Variants in LRP12 observed in about 807,000 individuals in gnomAD.
The protein encoded by LRP12 is LDL receptor related protein 12, also known as low-density lipoprotein receptor-related protein 12.
In LRP12, 14 loss-of-function variants were observed where a neutral mutation model predicts 66.0. The observed-to-expected ratio is 0.21, with a 90% CI of 0.14 to 0.33. The LOEUF (loss-of-function observed/expected upper bound fraction) is 0.33. Among genes scored for constraint, LRP12 ranks in the 10% least tolerant of loss-of-function variants. LRP12 has a pLI of 1.00. For synonymous variants in LRP12, 357 were observed against 359.1 expected (o/e 0.99, Z 0.07); for missense variants, 889 against 1,053.4 (o/e 0.84, Z 2.16).
chr8:104,506,778 G>C (rs1810916564), intron 3 of LRP12: 1 of 152,082 alleles, frequency 6.6e-6, no homozygotes, highest in Non-Finnish European at 1.5e-5. Context: ...TGGGTTCCAA[G>C]GGAGAGGAAT....
At chr8:104,541,525 C>A (rs1588497618) in intron 1 of LRP12, among the ~76,000 whole-genome samples, 1 of 152,172 alleles carries the variant, frequency 6.6e-6, no homozygotes, top group African/African-American at 2.4e-5. Context: ...TCACGAACTT[C>A]ATCTTTTTTC....
At chr8:104,532,632 C>T (rs7845549) in intron 1 of LRP12, among the ~76,000 whole-genome samples, 65,179 of 151,916 alleles carry the variant, frequency 0.43, 15,189 homozygotes, top group African/African-American at 0.62. Flanking sequence ...GAATTCTCCT[C>T]GGAGTCAGGT....
At chr8:104,506,652 A>AT (rs1810912938) in intron 3 of LRP12, 1 of 151,972 alleles carries the variant, frequency 6.6e-6, no homozygotes, top group Non-Finnish European at 1.5e-5. Flanking sequence ...TTGGTGGAAG[A>AT]TTTTTCAGCC....
chr8:104,547,877 A>C (rs1342911823), intron 1 of LRP12, among the ~76,000 whole-genome samples: 1 of 128,326 alleles, frequency 7.8e-6, no homozygotes, highest in Non-Finnish European at 1.6e-5. Flanking sequence ...CAATTCTGTT[A>C]TATTACATTT....
chr8:104,557,807 A>G (rs1811835579), intron 1 of LRP12, among the ~76,000 whole-genome samples: 1 of 152,186 alleles, frequency 6.6e-6, no homozygotes, highest in Non-Finnish European at 1.5e-5. Flanking sequence ...GAGCTCACAT[A>G]GCCAAAGCAA....
At chr8:104,579,874 C>T (rs1264266064) in intron 1 of LRP12, among the ~76,000 whole-genome samples, 1 of 151,358 alleles carries the variant, frequency 6.6e-6, no homozygotes, top group Non-Finnish European at 1.5e-5. Flanking sequence ...ACCGGCTAGT[C>T]ATATGCAGAG....
At chr8:104,520,951 T>C (rs1043277740) in intron 2 of LRP12, among the ~76,000 whole-genome samples, 2 of 152,072 alleles carry the variant, frequency 1.3e-5, no homozygotes, top group African/African-American at 4.8e-5. Context: ...GAAATGGATA[T>C]ATCCATCAGA....
intron 1 of LRP12, among the ~76,000 whole-genome samples, chr8:104,558,766 A>T: frequency 6.6e-6 from 1 of 152,310 alleles, no homozygotes; most frequent in South Asian, 2.1e-4. Flanking sequence ...GAAAAAAAAA[A>T]ACAAATAATC....
intron 3 of LRP12, chr8:104,507,319 T>G (rs1810924706): frequency 6.6e-6 from 1 of 152,182 alleles, no homozygotes; most frequent in Non-Finnish European, 1.5e-5. Context: ...TTCAGGAAAT[T>G]TTCCTTTAGC....
At chr8:104,584,740 AAC>A (rs1364649104) in intron 1 of LRP12, among the ~76,000 whole-genome samples, 2 of 152,194 alleles carry the variant, frequency 1.3e-5, no homozygotes, top group Non-Finnish European at 2.9e-5. Flanking sequence ...TTAGATTCTG[AAC>A]TCAAGGAAGG....
chr8:104,498,325 T>G (rs1185327248), intron 4 of LRP12, among the ~76,000 whole-genome samples: 1 of 152,112 alleles, frequency 6.6e-6, no homozygotes, highest in Non-Finnish European at 1.5e-5. Flanking sequence ...ATCCATCACC[T>G]AGGTATTAAG....
chr8:104,522,223 A>C (rs986418444), intron 2 of LRP12, among the ~76,000 whole-genome samples: 1 of 152,126 alleles, frequency 6.6e-6, no homozygotes. Flanking sequence ...AATTTATTGC[A>C]ATTTAGAAAA....
At chr8:104,561,722 C>T (rs541939506) in intron 1 of LRP12, among the ~76,000 whole-genome samples, 4 of 152,228 alleles carry the variant, frequency 2.6e-5, no homozygotes, top group South Asian at 4.1e-4. Context: ...CAACTGCCTT[C>T]GTTATATTCT....
Position 104,491,511 on chromosome 8 carries a change from G to A in LRP12, c.1742C>T (p.Ala581Val), listed in dbSNP as rs770729650. 7 of 1,611,338 alleles carry A rather than the reference G, an allele frequency of 4.3e-6. No individual in the cohort carries two copies. The highest frequency in any genetic ancestry group is 1.7e-4 in the Middle Eastern group (1 of 6,050). The change falls in exon 7 of 7, where the codon GCG becomes GTG. Residue 581 changes from alanine to valine, a missense_variant. Coordinates refer to ENST00000276654, the MANE Select transcript of LRP12 (RefSeq NM_013437.5). ...AGTAAATCCAAGCTGAGATCGTACC[G>A]CTAGCCTCAGATTTTCCAAAACAGA... ...QASVLENLRL[A>V]VRSQLGFTSV...
At chr8:104,550,091 T>C (rs2140879737) in intron 1 of LRP12, among the ~76,000 whole-genome samples, 1 of 152,338 alleles carries the variant, frequency 6.6e-6, no homozygotes, top group South Asian at 2.1e-4. Flanking sequence ...TGACTCCCAG[T>C]AGTCACTGAG....
intron 3 of LRP12, among the ~76,000 whole-genome samples, chr8:104,500,471 G>A (rs959201051): frequency 1.3e-5 from 2 of 152,286 alleles, no homozygotes; most frequent in African/African-American, 2.4e-5. Context: ...ACTTTGGGAC[G>A]CTGAGGTGGG....
chr8:104,511,442 T>C lies in LRP12; in HGVS notation c.137-2368A>G, dbSNP rs527863493. 3.9e-5 allele frequency among the ~76,000 whole-genome samples: 6 copies of C among 152,138 alleles called. No homozygotes were observed. In the South Asian group the frequency reaches 1.2e-3, roughly 32 times the overall value. ...ATAGGACACTACAGCCTTGAATTCT[T>C]GGGCGCAGGTGATCCTCTTGCCTCA... On this transcript the variant is annotated intron_variant, in intron 2 of 6. Transcript: ENST00000276654.
intron 5 of LRP12, among the ~76,000 whole-genome samples, chr8:104,496,308 C>T (rs1016399700): frequency 4.6e-5 from 7 of 152,206 alleles, no homozygotes; most frequent in African/African-American, 1.7e-4. Flanking sequence ...TAAACTGAAT[C>T]ATGTGCTTAC....
chr8:104,511,645 T>C (rs979869509), intron 2 of LRP12, among the ~76,000 whole-genome samples: 1 of 152,242 alleles, frequency 6.6e-6, no homozygotes, highest in Non-Finnish European at 1.5e-5. Flanking sequence ...TAAAACAAGC[T>C]ATATTACTTA....
Sources: gnomAD v4.1 joint callset for allele counts (sites outside exome capture counted in the v4.1 genomes callset) on GRCh38, gnomAD v4.1.1 for gene constraint, MANE v1.5 for transcripts, NCBI Gene and HGNC (gene_info 2026-07-23, HGNC 2026-07-21) for gene names.